POU6F2: variants seen among roughly 807,000 people sequenced by gnomAD.
POU6F2 encodes POU class 6 homeobox 2, also known as POU domain, class 6, transcription factor 2.
Under a neutral mutation model 71.3 loss-of-function variants are expected in POU6F2, and 31 were observed. The observed-to-expected ratio is 0.43, with a 90% CI of 0.33 to 0.59. The LOEUF (loss-of-function observed/expected upper bound fraction) is 0.59. Ranked by LOEUF, POU6F2 falls within the 20% of genes least tolerant of loss-of-function variation. The probability of loss-of-function intolerance (pLI) is 0.04; values close to 1 mark genes in which losing one functional copy is unlikely to be tolerated. For synonymous variants in POU6F2, 347 were observed against 355.7 expected, an observed-to-expected ratio of 0.98 and a Z score of 0.27; for missense variants, 783 against 856.8, an observed-to-expected ratio of 0.91 and a Z score of 1.07.
At chr7:39,381,738 A>C (rs1345939884) in intron 5 of POU6F2, among the ~76,000 whole-genome samples, 2 of 152,136 alleles carry the variant, frequency 1.3e-5, no homozygotes, top group Non-Finnish European at 2.9e-5. Context: ...TGCAGGGGAC[A>C]ATGCCCATGT....
intron 4 of POU6F2, among the ~76,000 whole-genome samples, chr7:39,309,955 A>G (rs1238739089): frequency 6.6e-6 from 1 of 152,164 alleles, no homozygotes; most frequent in Non-Finnish European, 1.5e-5. Flanking sequence ...CAGTGCCCAG[A>G]GCTCCATCGA....
At chr7:39,423,454 G>A (rs922283045) in intron 6 of POU6F2, among the ~76,000 whole-genome samples, 2 of 152,140 alleles carry the variant, frequency 1.3e-5, no homozygotes, top group East Asian at 3.9e-4. Flanking sequence ...GCACACAGGA[G>A]GCCCTCAGAA....
intron 5 of POU6F2, among the ~76,000 whole-genome samples, chr7:39,353,272 A>G (rs993598496): frequency 6.6e-6 from 1 of 152,234 alleles, no homozygotes; most frequent in Non-Finnish European, 1.5e-5. Context: ...CAGCCTAAGG[A>G]TGCATACATG....
At chr7:39,430,040 C>G (rs111316528) in intron 6 of POU6F2, among the ~76,000 whole-genome samples, 2 of 152,272 alleles carry the variant, frequency 1.3e-5, no homozygotes, top group African/African-American at 4.8e-5. Flanking sequence ...CTGATTAGAT[C>G]TGTGGCCGTG....
intron 5 of POU6F2, among the ~76,000 whole-genome samples, chr7:39,382,907 A>G (rs1786859448): frequency 6.6e-6 from 1 of 152,238 alleles, no homozygotes. Flanking sequence ...CCCTGGAGTC[A>G]TCAAGAAAAT....
At chr7:38,986,523 A>G (rs1788469016) in intron 1 of POU6F2, among the ~76,000 whole-genome samples, 1 of 152,152 alleles carries the variant, frequency 6.6e-6, no homozygotes, top group South Asian at 2.1e-4. Flanking sequence ...TTTATTTATC[A>G]AATAGAATTT....
intron 6 of POU6F2, among the ~76,000 whole-genome samples, chr7:39,418,769 C>T (rs1013802930): frequency 6.6e-6 from 1 of 151,080 alleles, no homozygotes; most frequent in East Asian, 1.9e-4. Flanking sequence ...TGGATTTGAG[C>T]CCAGATCTGG....
intron 5 of POU6F2, among the ~76,000 whole-genome samples, chr7:39,361,272 C>T (rs1336880351): frequency 1.3e-5 from 2 of 152,220 alleles, no homozygotes; most frequent in East Asian, 3.8e-4. Flanking sequence ...TTTAAAGTAG[C>T]TTTTAAAACT....
At chr7:39,345,331 G>C (rs768560183) in intron 5 of POU6F2, among the ~76,000 whole-genome samples, 224 of 152,224 alleles carry the variant, frequency 1.5e-3, no homozygotes, top group Non-Finnish European at 2.5e-3. Flanking sequence ...AAATGATTTA[G>C]TTAGCAAAAA....
intron 7 of POU6F2, among the ~76,000 whole-genome samples, chr7:39,444,993 G>A (rs1788489480): frequency 6.6e-6 from 1 of 152,110 alleles, no homozygotes; most frequent in Admixed American, 6.5e-5. Flanking sequence ...AAATACCATA[G>A]CTATAATACT....
chr7:39,006,938 G>A, intron 1 of POU6F2: 2 of 1,452,008 alleles, frequency 1.4e-6, no homozygotes, highest in Non-Finnish European at 9.7e-7. Flanking sequence ...TGAGTTTATT[G>A]TATAAAATCG....
chr7:39,394,047 C>T (rs1490149866), intron 5 of POU6F2, among the ~76,000 whole-genome samples: 2 of 152,186 alleles, frequency 1.3e-5, no homozygotes, highest in Admixed American at 1.3e-4. Context: ...GTACTTAGTC[C>T]CCAAATAAAT....
In POU6F2 at chr7:39,083,395, A is replaced by G. The variant is rs560019934; in HGVS notation, c.106-2465A>G. 5.8e-4 allele frequency among the ~76,000 whole-genome samples: 89 copies of G among 152,282 alleles called. 1 individual carries two copies. In the Middle Eastern group the frequency reaches 0.01, roughly 17 times the overall value. On this transcript the variant is annotated intron_variant, in intron 1 of 9. Transcript: ENST00000518318. ...AGACTGAGGATTCAACCTTTTAAAA[A>G]GTAAAAAGAGTGGACTAGAATGTAA...
chr7:39,179,005 A>G (rs979898586), intron 2 of POU6F2, among the ~76,000 whole-genome samples: 1 of 152,038 alleles, frequency 6.6e-6, no homozygotes, highest in African/African-American at 2.4e-5. Context: ...TTAATCAGCT[A>G]TAGGTTCTGC....
At chr7:39,243,592 C>T (rs1783764227) in intron 4 of POU6F2, among the ~76,000 whole-genome samples, 1 of 151,986 alleles carries the variant, frequency 6.6e-6, no homozygotes, top group Non-Finnish European at 1.5e-5. Flanking sequence ...CTTGGCTCAG[C>T]TCTAGGAGAG....
At chr7:39,397,364 A>T (rs1787194094) in intron 5 of POU6F2, among the ~76,000 whole-genome samples, 1 of 148,078 alleles carries the variant, frequency 6.8e-6, no homozygotes, top group South Asian at 2.1e-4. Flanking sequence ...TATATAGACA[A>T]ATATATAGAG....
intron 4 of POU6F2, among the ~76,000 whole-genome samples, chr7:39,250,656 G>A (rs986214555): frequency 1.2e-4 from 18 of 152,112 alleles, no homozygotes; most frequent in Non-Finnish European, 2.4e-4. Flanking sequence ...ACCCCCATGG[G>A]GCTGATAGCA....
intron 2 of POU6F2, among the ~76,000 whole-genome samples, chr7:39,157,608 A>C (rs978568022): frequency 7.9e-5 from 12 of 152,238 alleles, no homozygotes; most frequent in Non-Finnish European, 1.6e-4. Flanking sequence ...ATTAATTTAC[A>C]GCTACATTTA....
chr7:39,448,867 A>T (rs991850763), intron 7 of POU6F2, among the ~76,000 whole-genome samples: 1 of 152,240 alleles, frequency 6.6e-6, no homozygotes, highest in East Asian at 1.9e-4. Context: ...TCAATACGTT[A>T]TAGGGGGTAG....
Sources: gnomAD v4.1 joint callset for allele counts (sites outside exome capture counted in the v4.1 genomes callset) on GRCh38, gnomAD v4.1.1 for gene constraint, MANE v1.5 for transcripts, NCBI Gene and HGNC (gene_info 2026-07-23, HGNC 2026-07-21) for gene names.